Variants in USP6NL observed in about 807,000 individuals in gnomAD.
The protein encoded by USP6NL is USP6 N-terminal like.
A neutral mutation model predicts 61.9 loss-of-function variants in USP6NL; 26 were observed. The ratio of observed to expected loss-of-function variants is 0.42; its 90% CI spans 0.31 to 0.58. The LOEUF is 0.58. Ranked by LOEUF, USP6NL falls within the 20% of genes least tolerant of loss-of-function variation. The pLI is 0.16. For synonymous variants in USP6NL, 432 were observed against 390.1 expected (o/e 1.11, Z -1.27); for missense variants, 1,114 against 1,034.3 (o/e 1.08, Z -1.06).
intron 6 of USP6NL, among the ~76,000 whole-genome samples, chr10:11,505,391 C>G (rs540761978): frequency 6.6e-6 from 1 of 152,270 alleles, no homozygotes; most frequent in Admixed American, 6.5e-5. Context: ...CTATTATTAA[C>G]ATATCCATTT....
intron 2 of USP6NL, among the ~76,000 whole-genome samples, chr10:11,583,249 C>A (rs1837848178): frequency 6.7e-6 from 1 of 148,938 alleles, no homozygotes; most frequent in African/African-American, 2.5e-5. Context: ...AGTGCAGTGG[C>A]ACCATCTCTG....
chr10:11,475,766 TC>T, intron 14 of USP6NL, among the ~76,000 whole-genome samples: 1 of 151,974 alleles, frequency 6.6e-6, no homozygotes, highest in Admixed American at 6.6e-5. Flanking sequence ...CAAGACATCA[TC>T]CACAGATTAT....
In USP6NL at chr10:11,518,518, T is replaced by C. The variant is rs1380902697; in HGVS notation, c.195+17A>G. ...CAATTCACCAGTAACTGTAAATACATCAAGAGCAGGACTTACCCGTTCCAC... is the reference window on the plus strand; with the variant it reads ...CAATTCACCAGTAACTGTAAATACACCAAGAGCAGGACTTACCCGTTCCAC... On this transcript the variant is annotated intron_variant, in intron 5 of 14. Coordinates refer to ENST00000609104, the MANE Select transcript of USP6NL (RefSeq NM_014688.5). The surrounding 1 kb of genome is among the most constrained non-coding windows in gnomAD (Gnocchi z 5.3). 7 of 1,610,214 alleles carry C rather than the reference T, an allele frequency of 4.3e-6. No homozygotes were observed. The highest frequency in any genetic ancestry group is 1.7e-6 in the Non-Finnish European group (2 of 1,177,762).
At chr10:11,554,969 T>TTTTTTTTTTTTC (rs1836627004) in intron 2 of USP6NL, among the ~76,000 whole-genome samples, 1 of 145,642 alleles carries the variant, frequency 6.9e-6, no homozygotes, top group Non-Finnish European at 1.5e-5. Flanking sequence ...CCGGCTAATT[T>TTTTTTTTTTTTC]TTTTTTTTTT....
At position 11,501,184 on chromosome 10, in the gene USP6NL, T is replaced by C. The variant is rs759181098; in HGVS notation, c.301A>G (p.Ile101Val). 6.2e-7 allele frequency: 1 copy of C among 1,611,062 alleles called. No homozygotes were observed. The highest frequency in any genetic ancestry group is 8.5e-7 in the Non-Finnish European group (1 of 1,179,142). The change falls in exon 7 of 15, where the codon ATA becomes GTA. Residue 101 changes from isoleucine (I) to valine (V), a missense_variant. By Grantham distance (29) the Ile-to-Val change is conservative. Transcript: ENST00000609104. ...EKFHRRIYKG[I>V]PLQLRGEVWA... ...ACTTCACCTCTGAGCTGGAGTGGTA[T>C]TCCTTTGTAAATTCGCCTATGAAAC...
At chr10:11,533,832 T>C (rs12570429) in intron 2 of USP6NL, among the ~76,000 whole-genome samples, 18,652 of 152,078 alleles carry the variant, frequency 0.12, 1,762 homozygotes, top group East Asian at 0.45. Flanking sequence ...AATGTCTCTT[T>C]GAAAAAAGAA....
At chr10:11,464,094 G>T (rs1301876214) in intron 14 of USP6NL, among the ~76,000 whole-genome samples, 1 of 152,134 alleles carries the variant, frequency 6.6e-6, no homozygotes, top group Non-Finnish European at 1.5e-5. Flanking sequence ...TCACAATTAG[G>T]CCAAATGTAC....
chr10:11,522,209 T>C (rs1165489861), intron 4 of USP6NL, among the ~76,000 whole-genome samples: 1 of 152,244 alleles, frequency 6.6e-6, no homozygotes, highest in African/African-American at 2.4e-5. Context: ...TTTAAGTTTC[T>C]AAAACTGTAA....
Position 11,591,683 on chromosome 10 carries a change from T to C in USP6NL, c.4+5948A>G, listed in dbSNP as rs1453718186. Among the ~76,000 whole-genome samples, 1 of 152,154 alleles carries C rather than the reference T, an allele frequency of 6.6e-6. No homozygotes were observed. The highest frequency in any genetic ancestry group is 1.5e-5 in the Non-Finnish European group (1 of 68,008). On this transcript the variant is annotated intron_variant, in intron 2 of 14. Transcript: ENST00000609104. The surrounding 1 kb of genome is among the most constrained non-coding windows in gnomAD (Gnocchi z 4.7). ...AAATGGACAAAATGTAAATATTTGA[T>C]AAATCTCACCAAAAGGTATATGGAA...
chr10:11,601,427 AG>A (rs1838527341), intron 1 of USP6NL, among the ~76,000 whole-genome samples: 1 of 152,188 alleles, frequency 6.6e-6, no homozygotes, highest in South Asian at 2.1e-4. Flanking sequence ...AGGTAGACAG[AG>A]GTGATCCAGG....
intron 1 of USP6NL, among the ~76,000 whole-genome samples, chr10:11,605,537 T>C (rs1341943643): frequency 6.6e-6 from 1 of 151,982 alleles, no homozygotes; most frequent in South Asian, 2.1e-4. Context: ...CCTTGAGAAA[T>C]AAAAGAGACC....
At chr10:11,608,562 T>C (rs1216215692) in intron 1 of USP6NL, among the ~76,000 whole-genome samples, 1 of 152,182 alleles carries the variant, frequency 6.6e-6, no homozygotes, top group African/African-American at 2.4e-5. Flanking sequence ...CTCTGCCTCA[T>C]CTTCAGGTCT....
chr10:11,511,194 G>C lies in USP6NL; in HGVS notation c.196-1519C>G, dbSNP rs1256889216. ...CTAACTCTTTTTAAAATTTTTGATG[G>C]GTTTCTCACAATAAAAGATGAGCAC... On this transcript the variant is annotated intron_variant, in intron 5 of 14. Transcript: ENST00000609104. This position sits in a 1 kb window ranked among gnomAD's most constrained non-coding sequence, Gnocchi z 4.9. 6.6e-6 allele frequency among the ~76,000 whole-genome samples: 1 copy of C among 151,796 alleles called. No individual in the cohort carries two copies. The highest frequency in any genetic ancestry group is 1.9e-4 in the East Asian group (1 of 5,188).
intron 14 of USP6NL, among the ~76,000 whole-genome samples, chr10:11,480,516 G>A (rs992041002): frequency 7.2e-5 from 11 of 152,160 alleles, no homozygotes; most frequent in African/African-American, 2.7e-4. Context: ...ACAGGAGAGG[G>A]CTGACCTCAC....
chr10:11,590,572 T>C (rs1367615440), intron 2 of USP6NL, among the ~76,000 whole-genome samples: 1 of 152,170 alleles, frequency 6.6e-6, no homozygotes, highest in African/African-American at 2.4e-5. Context: ...ATACACATAA[T>C]ATTTTCATAT....
chr10:11,547,695 C>T (rs1836326378), intron 2 of USP6NL, among the ~76,000 whole-genome samples: 1 of 152,144 alleles, frequency 6.6e-6, no homozygotes, highest in African/African-American at 2.4e-5. Flanking sequence ...CATCCGCCAT[C>T]ACGCCCAGCT....
chr10:11,483,115 C>T (rs1364204657), intron 13 of USP6NL, among the ~76,000 whole-genome samples: 1 of 152,170 alleles, frequency 6.6e-6, no homozygotes, highest in Non-Finnish European at 1.5e-5. Context: ...CTTGAACCAG[C>T]ATCTCCTCCC....
chr10:11,517,789 T>C (rs1050979270), intron 5 of USP6NL, among the ~76,000 whole-genome samples: 3 of 152,210 alleles, frequency 2.0e-5, no homozygotes, highest in African/African-American at 7.2e-5. Flanking sequence ...TCACCTTCAT[T>C]ACCTGAAATT....
rs573661200 is a variant in USP6NL, at chr10:11,495,708, T to C, written c.385-2480A>G. ...TGCAGTATCTATTTTTCTCTGAAGA[T>C]ATTAAAAATAGTTTTTTAGATTCTC... is the stretch of plus-strand genomic sequence containing the variant. On this transcript the variant is annotated intron_variant, in intron 7 of 14. Transcript: ENST00000609104. The surrounding 1 kb of genome is among the most constrained non-coding windows in gnomAD (Gnocchi z 4.6). Among the ~76,000 whole-genome samples, 6 of 152,380 alleles carry C rather than the reference T, an allele frequency of 3.9e-5. No individual in the cohort carries two copies. Among genetic ancestry groups the C allele is most frequent in the Admixed American group, 2.6e-4 (4 of 15,310 alleles).
Sources: gnomAD v4.1 joint callset for allele counts (sites outside exome capture counted in the v4.1 genomes callset) on GRCh38, gnomAD v4.1.1 for gene constraint, Gnocchi (gnomAD v3.1) non-coding constraint, MANE v1.5 for transcripts, NCBI Gene and HGNC (gene_info 2026-07-23, HGNC 2026-07-21) for gene names.